The following TMPRSS15 variants were observed in gnomAD, a reference collection of about 807,000 sequenced individuals.
TMPRSS15 encodes enteropeptidase.
Under a neutral mutation model 125.3 loss-of-function variants are expected in TMPRSS15, and 128 were observed. That is an observed-to-expected ratio of 1.02 (90% CI 0.89 to 1.18). The LOEUF is 1.18. TMPRSS15 is among the 50% of genes most tolerant of loss of function. The pLI is 0.00. For synonymous variants in TMPRSS15, 446 were observed against 423.2 expected (o/e 1.05, Z -0.66); for missense variants, 1,283 against 1,212.7 (o/e 1.06, Z -0.86).
At chr21:18,428,346 C>A (rs919795454) in intron 1 of TMPRSS15, among the ~76,000 whole-genome samples, 1 of 152,122 alleles carries the variant, frequency 6.6e-6, no homozygotes, top group Non-Finnish European at 1.5e-5. Context: ...AGGAAAAACC[C>A]ATCTTCCGAG....
At chr21:18,375,906 C>T (rs555451181) in intron 5 of TMPRSS15, among the ~76,000 whole-genome samples, 33 of 152,204 alleles carry the variant, frequency 2.2e-4, no homozygotes, top group African/African-American at 6.5e-4. Flanking sequence ...CATTATTTTT[C>T]GCCTTCCAAA....
intron 1 of TMPRSS15, among the ~76,000 whole-genome samples, chr21:18,434,808 A>G (rs2123218535): frequency 6.9e-6 from 1 of 143,914 alleles, no homozygotes; most frequent in South Asian, 2.2e-4. Flanking sequence ...AGTTACTTCT[A>G]AATAAATACA....
intron 13 of TMPRSS15, among the ~76,000 whole-genome samples, chr21:18,335,629 C>T (rs1191872216): frequency 6.6e-6 from 1 of 152,184 alleles, no homozygotes; most frequent in African/African-American, 2.4e-5. Flanking sequence ...TATCAAATAA[C>T]TGACCAATAA....
intron 3 of TMPRSS15, among the ~76,000 whole-genome samples, chr21:18,387,424 G>A (rs906727488): frequency 4.6e-5 from 7 of 152,058 alleles, no homozygotes; most frequent in Non-Finnish European, 1.0e-4. Context: ...TAACTTTGTG[G>A]CTTATCTGTG....
chr21:18,381,777 A>G (rs1022617096), intron 4 of TMPRSS15, among the ~76,000 whole-genome samples: 2 of 152,162 alleles, frequency 1.3e-5, no homozygotes, highest in Non-Finnish European at 2.9e-5. Context: ...ATCAGAAACC[A>G]ATGCACATTC....
chr21:18,482,133 C>A (rs954139235), intron 1 of TMPRSS15, among the ~76,000 whole-genome samples: 1 of 151,078 alleles, frequency 6.6e-6, no homozygotes, highest in South Asian at 2.1e-4. Context: ...TGTATTGCTT[C>A]ATTTTTTTCA....
intron 18 of TMPRSS15, among the ~76,000 whole-genome samples, chr21:18,299,278 GA>G (rs1192287878): frequency 1.3e-5 from 2 of 152,170 alleles, no homozygotes; most frequent in African/African-American, 4.8e-5. Context: ...TGAGAATGTA[GA>G]AAGTCTGGAA....
At chr21:18,337,466 C>T (rs2075403130) in intron 13 of TMPRSS15, among the ~76,000 whole-genome samples, 3 of 152,160 alleles carry the variant, frequency 2.0e-5, no homozygotes, top group Admixed American at 1.3e-4. Context: ...TTGATCATCA[C>T]GTAATGGAAT....
intron 18 of TMPRSS15, among the ~76,000 whole-genome samples, chr21:18,310,940 T>C (rs1555895547): frequency 0.24 from 34,790 of 143,336 alleles, 4,955 homozygotes; most frequent in East Asian, 0.32. Context: ...ATTCTTTTTT[T>C]TTTTTTTTTT....
intron 1 of TMPRSS15, among the ~76,000 whole-genome samples, chr21:18,434,669 T>C (rs980159507): frequency 6.6e-6 from 1 of 152,074 alleles, no homozygotes; most frequent in African/African-American, 2.4e-5. Context: ...TAATAATCTC[T>C]TACTTCTTCT....
intron 18 of TMPRSS15, among the ~76,000 whole-genome samples, chr21:18,304,018 T>C (rs2075003463): frequency 6.6e-6 from 1 of 152,192 alleles, no homozygotes; most frequent in Non-Finnish European, 1.5e-5. Context: ...AATACCCGTC[T>C]GTGGGTGGTG....
At chr21:18,279,257 A>G (rs2074660692) in intron 22 of TMPRSS15, among the ~76,000 whole-genome samples, 198 bp from the exon 23 acceptor site, 1 of 148,374 alleles carries the variant, frequency 6.7e-6, no homozygotes, top group South Asian at 2.1e-4. Flanking sequence ...TTTTGACAAT[A>G]GATCGGCTAC....
chr21:18,446,180 A>G (rs957116612), intron 1 of TMPRSS15, among the ~76,000 whole-genome samples: 1 of 152,218 alleles, frequency 6.6e-6, no homozygotes, highest in African/African-American at 2.4e-5. Flanking sequence ...GATCTGAAAA[A>G]AATTAAGAAG....
At chr21:18,316,435 T>C (rs1436620138) in intron 16 of TMPRSS15, among the ~76,000 whole-genome samples, 2 of 152,112 alleles carry the variant, frequency 1.3e-5, no homozygotes, top group Admixed American at 6.5e-5. Flanking sequence ...GTTGGTGAGA[T>C]CAAAGTTGGA....
At position 18,273,765 on chromosome 21, in the gene TMPRSS15, A is replaced by G. The variant is rs866665206; in HGVS notation, c.2904+1432T>C. ...TTTAGCACACTTTTCATTTTAAAAA[A>G]GAAGTATAAGACCCGAAGATAAATT... On this transcript the variant is annotated intron_variant, in intron 24 of 24. Transcript: ENST00000284885. Among the ~76,000 whole-genome samples the G allele has an allele frequency of 2.1e-4, 32 of 152,342 alleles. 2 individuals are homozygous for G. The Middle Eastern group carries it at 0.031, about 146-fold the overall frequency.
rs142339591 is a variant in TMPRSS15, at chr21:18,464,692, C to T, written c.10+21107G>A. 4.0e-3 allele frequency among the ~76,000 whole-genome samples: 613 copies of T among 152,160 alleles called. 2 individuals are homozygous for T. The highest frequency in any genetic ancestry group is 6.3e-3 in the Non-Finnish European group (431 of 68,020). ...GGATAAATTCCTGGACACATACACC[C>T]CTGCAAGACTAAACCAGGAAGAAGT... On this transcript the variant is annotated intron_variant, in intron 1 of 7. Coordinates refer to the TMPRSS15 transcript ENST00000422787.
intron 1 of TMPRSS15, among the ~76,000 whole-genome samples, chr21:18,458,120 A>G (rs1222455290): frequency 6.6e-6 from 1 of 152,124 alleles, no homozygotes; most frequent in South Asian, 2.1e-4. Context: ...ATAGCCTTAT[A>G]TTAAGGTATA....
At chr21:18,331,273 A>G (rs1031288956) in intron 14 of TMPRSS15, among the ~76,000 whole-genome samples, 8 of 152,062 alleles carry the variant, frequency 5.3e-5, no homozygotes, top group Non-Finnish European at 5.9e-5. Context: ...TTTTCTGAAG[A>G]CACATTTTTC....
At chr21:18,353,268 A>G (rs1006824374) in intron 9 of TMPRSS15, among the ~76,000 whole-genome samples, 1 of 151,670 alleles carries the variant, frequency 6.6e-6, no homozygotes, top group Non-Finnish European at 1.5e-5. Flanking sequence ...TACATTTCCT[A>G]TACTCTGTCA....
Sources: gnomAD v4.1 joint callset for allele counts (sites outside exome capture counted in the v4.1 genomes callset) on GRCh38, gnomAD v4.1.1 for gene constraint, MANE v1.5 for transcripts, NCBI Gene and HGNC (gene_info 2026-07-23, HGNC 2026-07-21) for gene names.